Variants in CTNNA3 observed in about 807,000 individuals in gnomAD.
The protein encoded by CTNNA3 is catenin alpha 3, also known as catenin alpha-3.
CTNNA3 carries 76 observed loss-of-function variants against 95.7 expected under a neutral mutation model. The ratio of observed to expected loss-of-function variants is 0.79; its 90% CI spans 0.66 to 0.96. The LOEUF (loss-of-function observed/expected upper bound fraction) is 0.96. CTNNA3 is among the 40% of genes least tolerant of loss of function. CTNNA3 has a pLI of 0.00. For missense variants in CTNNA3, 1,191 were observed against 1,089.8 expected, an observed-to-expected ratio of 1.09 and a Z score of -1.31; for synonymous variants, 431 against 374.4, an observed-to-expected ratio of 1.15 and a Z score of -1.74.
chr10:66,403,106 G>T (rs1053845614), intron 11 of CTNNA3, among the ~76,000 whole-genome samples: 1 of 152,078 alleles, frequency 6.6e-6, no homozygotes, highest in Non-Finnish European at 1.5e-5. Flanking sequence ...CTAAACCAAT[G>T]TGTAACCTCC....
chr10:67,209,066 T>G (rs1359099317), intron 6 of CTNNA3, among the ~76,000 whole-genome samples: 3 of 151,020 alleles, frequency 2.0e-5, no homozygotes, highest in Admixed American at 6.6e-5. Context: ...GTTGTTGTTG[T>G]TAAGACAGAG....
At chr10:66,693,479 C>A (rs886495013) in intron 9 of CTNNA3, among the ~76,000 whole-genome samples, 5 of 150,736 alleles carry the variant, frequency 3.3e-5, no homozygotes, top group African/African-American at 4.9e-5. Context: ...GAGTGACCTA[C>A]AACGAGACTT....
At chr10:67,712,000 G>C (rs1418701676) in intron 1 of CTNNA3, among the ~76,000 whole-genome samples, 1 of 151,984 alleles carries the variant, frequency 6.6e-6, no homozygotes, top group African/African-American at 2.4e-5. Context: ...TCTAGAACTG[G>C]AAATACCATT....
intron 13 of CTNNA3, among the ~76,000 whole-genome samples, chr10:66,116,235 G>T (rs72793500): frequency 0.1 from 15,342 of 152,220 alleles, 986 homozygotes; most frequent in African/African-American, 0.18. Flanking sequence ...TTTCTACACA[G>T]ACTTGTCCTG....
At chr10:65,995,160 C>A (rs1007623775) in intron 15 of CTNNA3, among the ~76,000 whole-genome samples, 13 of 151,390 alleles carry the variant, frequency 8.6e-5, no homozygotes, top group African/African-American at 2.9e-4. Flanking sequence ...TCATTAATTT[C>A]TTTTTTATTG....
chr10:67,250,480 G>T (rs893857704), intron 5 of CTNNA3, among the ~76,000 whole-genome samples: 1 of 151,848 alleles, frequency 6.6e-6, no homozygotes, highest in Admixed American at 6.5e-5. Context: ...CTCCCAAAGT[G>T]CTGGGATTAC....
At chr10:67,728,071 A>ATATAAT (rs1453438400) in intron 1 of CTNNA3, among the ~76,000 whole-genome samples, 1 of 140,724 alleles carries the variant, frequency 7.1e-6, no homozygotes, top group African/African-American at 2.7e-5. Context: ...TGTATATTAC[A>ATATAAT]TATTATATAT....
At chr10:66,274,137 C>A (rs2091341444) in intron 13 of CTNNA3, among the ~76,000 whole-genome samples, 1 of 152,032 alleles carries the variant, frequency 6.6e-6, no homozygotes, top group Admixed American at 6.6e-5. Context: ...ATATTTTAAG[C>A]TTTGTGAGCC....
chr10:66,729,759 C>T (rs774781529), intron 9 of CTNNA3, among the ~76,000 whole-genome samples: 16 of 152,078 alleles, frequency 1.1e-4, no homozygotes, highest in Non-Finnish European at 1.8e-4. Flanking sequence ...CTCATGTAAC[C>T]AAACACCATG....
At chr10:66,318,694 A>T (rs1279524635) in intron 12 of CTNNA3, among the ~76,000 whole-genome samples, 1 of 152,048 alleles carries the variant, frequency 6.6e-6, no homozygotes, top group South Asian at 2.1e-4. Context: ...GATGAAACTG[A>T]TCTCACCCTC....
chr10:67,412,662 G>GA (rs1292590972), intron 5 of CTNNA3, among the ~76,000 whole-genome samples: 1 of 151,980 alleles, frequency 6.6e-6, no homozygotes, highest in African/African-American at 2.4e-5. Context: ...AGATTTCTCA[G>GA]AAAAAACCTT....
At chr10:67,052,341 TCTCTCTC>T (rs745457720) in intron 7 of CTNNA3, among the ~76,000 whole-genome samples, 8,231 of 151,648 alleles carry the variant, frequency 0.054, 327 homozygotes, top group South Asian at 0.19. Context: ...TCTCTCTCTC[TCTCTCTC>T]TCTCTCATTA....
chr10:66,764,800 G>A (rs556883831), intron 9 of CTNNA3, among the ~76,000 whole-genome samples: 11 of 151,956 alleles, frequency 7.2e-5, no homozygotes, highest in Middle Eastern at 3.4e-3. Flanking sequence ...ATGTGTAGAC[G>A]AAGGAATAAA....
intron 10 of CTNNA3, among the ~76,000 whole-genome samples, chr10:66,588,041 G>A (rs577994683): frequency 1.3e-5 from 2 of 152,304 alleles, no homozygotes; most frequent in African/African-American, 4.8e-5. Context: ...ACTTCTGTGA[G>A]GTCCCCTGTG....
chr10:66,456,262 A>C (rs2093494492), intron 11 of CTNNA3, among the ~76,000 whole-genome samples: 1 of 152,204 alleles, frequency 6.6e-6, no homozygotes, highest in Admixed American at 6.6e-5. Context: ...AATTGGAGGA[A>C]TCACCCTACC....
intron 12 of CTNNA3, among the ~76,000 whole-genome samples, chr10:66,376,265 A>T (rs1564909343): frequency 6.6e-6 from 1 of 152,186 alleles, no homozygotes; most frequent in Non-Finnish European, 1.5e-5. Flanking sequence ...TTAAAAAGCT[A>T]ATATATTCTA....
intron 11 of CTNNA3, among the ~76,000 whole-genome samples, chr10:66,395,073 A>G (rs10509262): frequency 0.16 from 24,664 of 151,910 alleles, 2,738 homozygotes; most frequent in East Asian, 0.45. Context: ...ACTACCTTCG[A>G]AAATACAGTA....
intron 7 of CTNNA3, among the ~76,000 whole-genome samples, chr10:66,867,110 T>C (rs1356660118): frequency 6.6e-6 from 1 of 150,458 alleles, no homozygotes; most frequent in Non-Finnish European, 1.5e-5. Flanking sequence ...GAACTGTGGG[T>C]CCATTAAACA....
intron 2 of CTNNA3, among the ~76,000 whole-genome samples, chr10:67,612,471 T>G (rs1449016913): frequency 1.3e-5 from 2 of 152,148 alleles, no homozygotes; most frequent in Non-Finnish European, 2.9e-5. Context: ...AAGAAAATTG[T>G]GTGCAAAGGG....
Sources: allele counts gnomAD v4.1 joint callset (sites outside exome capture counted in the v4.1 genomes callset), GRCh38; gene constraint gnomAD v4.1.1; transcripts MANE v1.5; gene names NCBI Gene and HGNC (gene_info 2026-07-23, HGNC 2026-07-21).